The following ZNF681 variants were observed in gnomAD, a reference collection of about 807,000 sequenced individuals.
ZNF681 encodes zinc finger protein 681.
A neutral mutation model predicts 56.0 loss-of-function variants in ZNF681; 37 were observed. The observed-to-expected ratio is 0.66, with a 90% CI of 0.51 to 0.87. The LOEUF (loss-of-function observed/expected upper bound fraction) is 0.87, where lower values mean the gene tolerates loss of function less well. ZNF681 is among the 40% of genes least tolerant of loss of function. The pLI, the probability that ZNF681 is intolerant of heterozygous loss-of-function variation, is 0.00. For synonymous variants in ZNF681, 225 were observed against 248.6 expected, an observed-to-expected ratio of 0.91 and a Z score of 0.89; for missense variants, 741 against 744.9, an observed-to-expected ratio of 0.99 and a Z score of 0.06.
intron 3 of ZNF681, among the ~76,000 whole-genome samples, chr19:23,751,814 T>C (rs1969036325): frequency 6.6e-6 from 1 of 152,142 alleles, no homozygotes; most frequent in South Asian, 2.1e-4. Context: ...GTCTCCTGAA[T>C]AGCTGGGACT....
At position 23,744,770 on chromosome 19, in the gene ZNF681, G is replaced by A; in HGVS notation, c.780C>T (p.Ser260=). ...RDKLYKREEC[S]KAFNLSSHIT... ...TGTGTGACGACAGGTTAAAGGCTTT[G>A]CTACATTCTTCACGTTTGTAGAGTT... The change falls in exon 4 of 4, where the codon AGC becomes AGT. Residue 260 remains serine, a synonymous_variant. Coordinates refer to ENST00000402377, the MANE Select transcript of ZNF681 (RefSeq NM_138286.3). The A allele has an allele frequency of 6.2e-7, 1 of 1,612,930 alleles. No individual in the cohort carries two copies. Among genetic ancestry groups the A allele is most frequent in the East Asian group, 2.2e-5 (1 of 44,844 alleles).
chr19:23,751,251 C>T (rs564317492), intron 3 of ZNF681, among the ~76,000 whole-genome samples: 2 of 151,190 alleles, frequency 1.3e-5, no homozygotes, highest in East Asian at 2.0e-4. Context: ...CTGAGGCAGG[C>T]GGATCACCTG....
intron 3 of ZNF681, among the ~76,000 whole-genome samples, chr19:23,752,475 G>T (rs932415463): frequency 2.6e-5 from 4 of 151,030 alleles, no homozygotes; most frequent in Non-Finnish European, 4.4e-5. Flanking sequence ...GATACACAGT[G>T]AATGCCATAC....
chr19:23,751,574 G>A (rs1029634384), intron 3 of ZNF681, among the ~76,000 whole-genome samples: 6 of 152,052 alleles, frequency 3.9e-5, no homozygotes, highest in Non-Finnish European at 5.9e-5. Flanking sequence ...TAACTGGCAT[G>A]TGCTCCATGG....
intron 2 of ZNF681, 37 bp from the exon 3 acceptor site, chr19:23,754,955 A>C (rs1237887927): frequency 6.5e-7 from 1 of 1,542,436 alleles, no homozygotes; most frequent in Non-Finnish European, 8.9e-7. Context: ...AATCTTGCTT[A>C]TATTGTCTAA....
rs1484977223 is a variant in ZNF681, at chr19:23,739,534, T to G, written c.*4078A>C. ...TAGGTAAAGCATTAATTACCTAGAA[T>G]GAAGCATTTGACAATGTGTATATAC... On this transcript the variant is annotated 3_prime_UTR_variant, in exon 4 of 4. Transcript: ENST00000402377. 6.6e-6 allele frequency: 1 copy of G among 152,212 alleles called. No homozygotes were observed. The highest frequency in any genetic ancestry group is 1.5e-5 in the Non-Finnish European group (1 of 68,034). 9.4% of individuals were successfully genotyped at this position (152,212 alleles called of 1,614,324 possible).
In ZNF681 at chr19:23,744,015, CCA is replaced by C; in HGVS notation, c.1533_1534del (p.Cys511TrpfsTer12). 1 of 1,612,766 alleles carries C rather than the reference CCA, an allele frequency of 6.2e-7. No individual in the cohort carries two copies. The highest frequency in any genetic ancestry group is 8.5e-7 in the Non-Finnish European group (1 of 1,179,818). The stretch of plus-strand genomic sequence containing the variant: ...TTTTGAGGATCGATAGAAAGCTTTG[CCA>C]CATTCTTCACATTTGTAGGATTTCT... On this transcript the variant is annotated frameshift_variant, in exon 4 of 4. Coordinates refer to ENST00000402377, the MANE Select transcript of ZNF681 (RefSeq NM_138286.3). LOFTEE classifies it high-confidence loss of function.
chr19:23,754,067 A>G (rs1054448293), intron 3 of ZNF681, among the ~76,000 whole-genome samples: 2 of 151,904 alleles, frequency 1.3e-5, no homozygotes, highest in African/African-American at 4.8e-5. Context: ...ATTTCAAACT[A>G]TATTTGAAGA....
At chr19:23,747,951 A>T (rs890230427) in intron 3 of ZNF681, among the ~76,000 whole-genome samples, 2 of 152,060 alleles carry the variant, frequency 1.3e-5, no homozygotes, top group Non-Finnish European at 2.9e-5. Context: ...AATCATGTTG[A>T]AAACTGGACA....
chr19:23,758,501 C>T (rs113760837), intron 1 of ZNF681, among the ~76,000 whole-genome samples: 1 of 152,236 alleles, frequency 6.6e-6, no homozygotes, highest in African/African-American at 2.4e-5. Flanking sequence ...CTGGGAGAGA[C>T]CCGGCGCTGC....
intron 3 of ZNF681, among the ~76,000 whole-genome samples, chr19:23,745,746 C>T (rs1378636614): frequency 6.0e-5 from 9 of 150,128 alleles, no homozygotes; most frequent in East Asian, 2.0e-4. Context: ...CCACCGTGCT[C>T]GGCCCAAAGG....
intron 3 of ZNF681, among the ~76,000 whole-genome samples, chr19:23,749,733 C>T (rs1247351961): frequency 1.3e-5 from 2 of 152,030 alleles, no homozygotes; most frequent in African/African-American, 4.8e-5. Context: ...CACATGTAAG[C>T]CACAACCTGG....
At chr19:23,748,262 G>A (rs1011013165) in intron 3 of ZNF681, among the ~76,000 whole-genome samples, 14 of 152,134 alleles carry the variant, frequency 9.2e-5, no homozygotes, top group African/African-American at 3.1e-4. Flanking sequence ...CTAAAGGCCC[G>A]AGGGTCATGA....
chr19:23,751,341 T>A (rs1245980672), intron 3 of ZNF681, among the ~76,000 whole-genome samples: 1 of 151,650 alleles, frequency 6.6e-6, no homozygotes, highest in Non-Finnish European at 1.5e-5. Context: ...CTGGGCGTTT[T>A]GGCACATGGC....
chr19:23,743,577 C>T lies in ZNF681; in HGVS notation c.*35G>A. 1 of 1,438,944 alleles carries T rather than the reference C, an allele frequency of 6.9e-7. No individual in the cohort carries two copies. The highest frequency in any genetic ancestry group is 1.6e-5 in the South Asian group (1 of 63,204). 89.1% of individuals were successfully genotyped at this position (1,438,944 alleles called of 1,614,324 possible). ...TTATCTTATGCACAATCAAGTGTGA[C>T]AACTTTTAAAGGTTTTGTTACATTC... On this transcript the variant is annotated 3_prime_UTR_variant, in exon 4 of 4. Coordinates refer to ENST00000402377, the MANE Select transcript of ZNF681 (RefSeq NM_138286.3).
In ZNF681 at chr19:23,743,589, G is replaced by A. The variant is rs1335510530; in HGVS notation, c.*23C>T. On this transcript the variant is annotated 3_prime_UTR_variant, in exon 4 of 4. Coordinates refer to ENST00000402377, the MANE Select transcript of ZNF681 (RefSeq NM_138286.3). Reference sequence around the variant, plus strand: ...CAATCAAGTGTGACAACTTTTAAAGGTTTTGTTACATTCTTCACATTTCTA... The same window carrying A: ...CAATCAAGTGTGACAACTTTTAAAGATTTTGTTACATTCTTCACATTTCTA... 6.9e-7 allele frequency: 1 copy of A among 1,454,072 alleles called. No individual in the cohort carries two copies. The highest frequency in any genetic ancestry group is 2.8e-5 in the Admixed American group (1 of 35,626). 90.1% of individuals were successfully genotyped at this position (1,454,072 alleles called of 1,614,324 possible). A position where few individuals can be genotyped will look rare whatever the true frequency, so the allele number is the denominator to read the frequency against.
In ZNF681 at chr19:23,743,039, A is replaced by G. The variant is rs1968890955; in HGVS notation, c.*573T>C. 6.6e-6 allele frequency: 1 copy of G among 152,212 alleles called. No homozygotes were observed. The highest frequency in any genetic ancestry group is 1.5e-5 in the Non-Finnish European group (1 of 68,054). The allele number at this position is 152,212 out of a possible 1,614,324, so 9.4% of individuals were successfully genotyped here. Reference sequence around the variant, plus strand: ...ATATTTACATAGAATTTTGGATTAAATATTTTTTCATATTTACTGCATCTG... The same window carrying G: ...ATATTTACATAGAATTTTGGATTAAGTATTTTTTCATATTTACTGCATCTG... On this transcript the variant is annotated 3_prime_UTR_variant, in exon 4 of 4. Transcript: ENST00000402377.
intron 2 of ZNF681, 47 bp downstream of exon 2, chr19:23,755,378 G>T: frequency 1.3e-6 from 2 of 1,550,138 alleles, no homozygotes; most frequent in African/African-American, 2.8e-5. Flanking sequence ...AAAGAAAAAT[G>T]AAACCTTTAG....
rs772643362 is a variant in ZNF681, at chr19:23,743,955, T to A, written c.1595A>T (p.Lys532Ile). ...GCCACATTCTTCACATGTGTAGGGT[T>A]TCTCTCCAGTATGAATTTTCTTATG... Reference protein sequence around the residue: ...TEHKKIHTGEKPYTCEECGKA... With the variant: ...TEHKKIHTGEIPYTCEECGKA... The change falls in exon 4 of 4, where the codon AAA becomes ATA. Residue 532 changes from lysine (K) to isoleucine (I), a missense_variant. Transcript: ENST00000402377. 6.2e-7 allele frequency: 1 copy of A among 1,612,964 alleles called. No individual in the cohort carries two copies. The highest frequency in any genetic ancestry group is 8.5e-7 in the Non-Finnish European group (1 of 1,179,866).
Sources: allele counts gnomAD v4.1 joint callset (sites outside exome capture counted in the v4.1 genomes callset), GRCh38; gene constraint gnomAD v4.1.1; transcripts MANE v1.5; gene names NCBI Gene and HGNC (gene_info 2026-07-23, HGNC 2026-07-21).